The following CDH13 variants were observed in gnomAD, a reference collection of about 807,000 sequenced individuals.
The protein encoded by CDH13 is cadherin 13.
Under a neutral mutation model 63.8 loss-of-function variants are expected in CDH13, and 24 were observed. That is an observed-to-expected ratio of 0.38 (90% CI 0.27 to 0.53). The LOEUF is 0.53. Ranked by LOEUF, CDH13 falls within the 20% of genes least tolerant of loss-of-function variation. The pLI is 0.85. For synonymous variants in CDH13, 503 were observed against 355.3 expected (o/e 1.42, Z -4.67); for missense variants, 1,049 against 903.1 (o/e 1.16, Z -2.07).
At chr16:82,896,671 C>G (rs943464621) in intron 2 of CDH13, among the ~76,000 whole-genome samples, 1 of 150,094 alleles carries the variant, frequency 6.7e-6, no homozygotes, top group Non-Finnish European at 1.5e-5. Flanking sequence ...AGTTGGGAGA[C>G]TGGAAGAGCT....
At chr16:82,909,252 A>ATGTGTG (rs10527714) in intron 2 of CDH13, among the ~76,000 whole-genome samples, 2,063 of 146,914 alleles carry the variant, frequency 0.014, 25 homozygotes, top group African/African-American at 0.024. Context: ...CTGACTGTAT[A>ATGTGTG]TGTGTGTGTG....
rs1465103937 is a variant in CDH13 at position 83,795,227 on chromosome 16, A to C, written c.*197A>C. The C allele has an allele frequency of 3.8e-6, 2 of 531,424 alleles. No homozygotes were observed. The highest frequency in any genetic ancestry group is 6.1e-5 in the East Asian group (2 of 32,874). 32.9% of individuals were successfully genotyped at this position (531,424 alleles called of 1,614,324 possible). A position where few individuals can be genotyped will look rare whatever the true frequency, so the allele number is the denominator to read the frequency against. ...TTGACAGCATCTTCCTCCCTCCTTTAATTAATGGAATCTTCTGAATTTTCC... is the reference window on the plus strand; with the variant it reads ...TTGACAGCATCTTCCTCCCTCCTTTCATTAATGGAATCTTCTGAATTTTCC... On this transcript the variant is annotated 3_prime_UTR_variant, in exon 14 of 14. Coordinates refer to ENST00000567109, the MANE Select transcript of CDH13 (RefSeq NM_001257.5).
chr16:82,830,797 T>C (rs771564192), intron 1 of CDH13, among the ~76,000 whole-genome samples: 1 of 152,238 alleles, frequency 6.6e-6, no homozygotes, highest in Non-Finnish European at 1.5e-5. Context: ...CATATTACCA[T>C]GACCGTGAAA....
chr16:83,273,069 G>T (rs563294641), intron 5 of CDH13, among the ~76,000 whole-genome samples: 3 of 152,162 alleles, frequency 2.0e-5, no homozygotes, highest in South Asian at 4.2e-4. Context: ...CACTTGTTGT[G>T]GGGGGAAGCA....
chr16:82,810,294 T>C (rs959554765), intron 1 of CDH13, among the ~76,000 whole-genome samples: 3 of 152,122 alleles, frequency 2.0e-5, no homozygotes, highest in African/African-American at 7.2e-5. Flanking sequence ...GCAGAACCCG[T>C]CCTTTCTCTT....
intron 10 of CDH13, among the ~76,000 whole-genome samples, chr16:83,719,003 G>A (rs1007886438): frequency 3.9e-5 from 6 of 152,218 alleles, no homozygotes; most frequent in Admixed American, 3.3e-4. Flanking sequence ...GCAAAGGAAT[G>A]CAGGTGCTGA....
chr16:83,101,202 G>T (rs28488381), intron 3 of CDH13, among the ~76,000 whole-genome samples: 3,053 of 150,522 alleles, frequency 0.02, 105 homozygotes, highest in African/African-American at 0.066. Flanking sequence ...AAAGTATATA[G>T]AGGTATGTAT....
intron 7 of CDH13, among the ~76,000 whole-genome samples, chr16:83,599,237 G>T (rs1171754887): frequency 6.6e-6 from 1 of 152,198 alleles, no homozygotes; most frequent in African/African-American, 2.4e-5. Flanking sequence ...GGAAGTTGAA[G>T]AATGAATGCT....
rs377238546 is a variant in CDH13 at position 83,503,282 on chromosome 16, C to T, written c.960+16627C>T. On this transcript the variant is annotated intron_variant, in intron 7 of 13. Transcript: ENST00000567109. ...AATACAGGACAACTGGAGACCAAAC[C>T]GTAGGTTTCATTACCTATGAAGCTG... Among the ~76,000 whole-genome samples the T allele has an allele frequency of 5.3e-4, 81 of 152,314 alleles. 1 individual carries two copies. In the South Asian group the frequency reaches 0.016, roughly 29 times the overall value.
intron 6 of CDH13, among the ~76,000 whole-genome samples, chr16:83,388,907 C>T (rs1270004334): frequency 1.3e-5 from 2 of 152,146 alleles, no homozygotes; most frequent in East Asian, 1.9e-4. Context: ...GATCTGTGTG[C>T]TCATAAGGTG....
At chr16:83,734,120 C>T (rs1161830956) in intron 10 of CDH13, among the ~76,000 whole-genome samples, 1 of 152,132 alleles carries the variant, frequency 6.6e-6, no homozygotes, top group Non-Finnish European at 1.5e-5. Context: ...ACCAACAGCC[C>T]TTACCAAAAG....
intron 10 of CDH13, among the ~76,000 whole-genome samples, chr16:83,683,312 G>C (rs993657651): frequency 6.6e-6 from 1 of 152,206 alleles, no homozygotes; most frequent in African/African-American, 2.4e-5. Context: ...ATAAAGTTAA[G>C]ATAGTTTCTG....
At chr16:82,665,356 T>G (rs111876270) in intron 1 of CDH13, among the ~76,000 whole-genome samples, 3,053 of 152,236 alleles carry the variant, frequency 0.02, 98 homozygotes, top group African/African-American at 0.069. Flanking sequence ...CTGTGATAAA[T>G]TTTAAGTAAG....
At chr16:83,428,286 C>G (rs569512987) in intron 6 of CDH13, among the ~76,000 whole-genome samples, 71 of 152,140 alleles carry the variant, frequency 4.7e-4, no homozygotes, top group African/African-American at 1.5e-3. Context: ...AAACAGTGAA[C>G]TAGCTCAAGA....
At chr16:83,516,728 G>T (rs1305723640) in intron 7 of CDH13, among the ~76,000 whole-genome samples, 4 of 152,130 alleles carry the variant, frequency 2.6e-5, no homozygotes, top group Non-Finnish European at 5.9e-5. Flanking sequence ...TAGTAAAAAA[G>T]CCAGCTGCCT....
At chr16:83,679,786 A>G (rs565540238) in intron 10 of CDH13, among the ~76,000 whole-genome samples, 4 of 152,344 alleles carry the variant, frequency 2.6e-5, no homozygotes, top group Non-Finnish European at 5.9e-5. Flanking sequence ...GTCATCTTGT[A>G]TTTCTACAAT....
chr16:82,793,365 C>G (rs1017006442), intron 1 of CDH13, among the ~76,000 whole-genome samples: 1 of 132,176 alleles, frequency 7.6e-6, no homozygotes, highest in Non-Finnish European at 1.7e-5. Context: ...AAGATACTTT[C>G]TGTGGAAAAG....
rs184603506 is a variant in CDH13, at chr16:83,344,799, C to T, written c.637-63C>T. 16 of 1,576,300 alleles carry T rather than the reference C, an allele frequency of 1.0e-5. No individual in the cohort carries two copies. In the Middle Eastern group the frequency reaches 8.4e-4, roughly 83 times the overall value. On this transcript the variant is annotated intron_variant, in intron 5 of 13. Coordinates refer to ENST00000567109, the MANE Select transcript of CDH13 (RefSeq NM_001257.5). ...ATATAACCTACTTTCTCTAGAGAAC[C>T]TTATTTGAATTTTCATAATGAATTA...
At chr16:83,310,197 G>A (rs2089969306) in intron 5 of CDH13, among the ~76,000 whole-genome samples, 1 of 152,172 alleles carries the variant, frequency 6.6e-6, no homozygotes, top group Non-Finnish European at 1.5e-5. Flanking sequence ...CCTTGTGAAA[G>A]TCATTTTGAA....
Sources: gnomAD v4.1 joint callset for allele counts (sites outside exome capture counted in the v4.1 genomes callset) on GRCh38, gnomAD v4.1.1 for gene constraint, MANE v1.5 for transcripts, NCBI Gene and HGNC (gene_info 2026-07-23, HGNC 2026-07-21) for gene names.